Variants in MYZAP observed in about 807,000 individuals in gnomAD.
The protein encoded by MYZAP is GRINL1A complex locus upstream.
A neutral mutation model predicts 69.4 loss-of-function variants in MYZAP; 66 were observed. The observed-to-expected ratio is 0.95, with a 90% confidence interval of 0.78 to 1.17. MYZAP has a LOEUF of 1.17. Ranked by LOEUF, MYZAP falls within the 50% of genes most tolerant of loss-of-function variation. MYZAP has a pLI of 0.00. For missense variants in MYZAP, 611 were observed against 556.2 expected (o/e 1.10, Z -0.99); for synonymous variants, 256 against 205.9 (o/e 1.24, Z -2.09).
intron 5 of MYZAP, among the ~76,000 whole-genome samples, chr15:57,628,777 G>A (rs2036309780): frequency 6.6e-6 from 1 of 152,200 alleles, no homozygotes; most frequent in Non-Finnish European, 1.5e-5. Flanking sequence ...AGCGCAGAAG[G>A]GATAGCTCTT....
At position 57,655,411 on chromosome 15, in the gene MYZAP, C is replaced by T. The variant is rs1488934599; in HGVS notation, c.1120-6039C>T. On this transcript the variant is annotated intron_variant, in intron 10 of 12. Transcript: ENST00000267853. The stretch of plus-strand genomic sequence containing the variant: ...CAGCGGAAGGGCCTCCCGTGCCATG[C>T]TAGTGAGTTCGAACATTAAAAGCGT... 2.6e-5 allele frequency among the ~76,000 whole-genome samples: 4 copies of T among 152,120 alleles called. No individual in the cohort carries two copies. In the East Asian group the frequency reaches 5.8e-4, roughly 22 times the overall value.
At chr15:57,642,658 G>A (rs1033478964) in intron 10 of MYZAP, among the ~76,000 whole-genome samples, 1 of 152,134 alleles carries the variant, frequency 6.6e-6, no homozygotes, top group Non-Finnish European at 1.5e-5. Flanking sequence ...TTTAAATGAT[G>A]GGCTTCTTTT....
chr15:57,622,985 TC>T (rs1201364214), intron 4 of MYZAP, among the ~76,000 whole-genome samples: 1 of 151,994 alleles, frequency 6.6e-6, no homozygotes, highest in African/African-American at 2.4e-5. Flanking sequence ...CCCCCACGAA[TC>T]AAGAAGAAAA....
chr15:57,665,234 C>T (rs1017883571), intron 11 of MYZAP, among the ~76,000 whole-genome samples: 1 of 152,224 alleles, frequency 6.6e-6, no homozygotes, highest in Non-Finnish European at 1.5e-5. Context: ...CAGTCCTTTG[C>T]CTGCAGCAAC....
chr15:57,635,389 C>A (rs150545599), intron 8 of MYZAP, among the ~76,000 whole-genome samples: 1 of 152,178 alleles, frequency 6.6e-6, no homozygotes, highest in African/African-American at 2.4e-5. Flanking sequence ...GTCTTTAGCA[C>A]GACCCATTTT....
intron 12 of MYZAP, among the ~76,000 whole-genome samples, chr15:57,675,755 C>A (rs552657814): frequency 6.6e-6 from 1 of 152,294 alleles, no homozygotes; most frequent in Non-Finnish European, 1.5e-5. Context: ...AACACAGTAA[C>A]CTGCCTCTGA....
chr15:57,593,188 G>GCATGCGCGCGCGCGCGCGCACA, intron 1 of MYZAP, among the ~76,000 whole-genome samples: 1 of 114,150 alleles, frequency 8.8e-6, no homozygotes, highest in Non-Finnish European at 1.8e-5. Flanking sequence ...GTACACAGGC[G>GCATGCGCGCGCGCGCGCGCACA]CACACACACA....
At chr15:57,621,115 G>A (rs1469788179) in intron 3 of MYZAP, among the ~76,000 whole-genome samples, 1 of 146,680 alleles carries the variant, frequency 6.8e-6, no homozygotes, top group African/African-American at 2.5e-5. Context: ...TTCCTAACTA[G>A]TTTCTAACTA....
At chr15:57,611,324 G>A (rs1344754324) in intron 2 of MYZAP, among the ~76,000 whole-genome samples, 2 of 152,166 alleles carry the variant, frequency 1.3e-5, no homozygotes, top group African/African-American at 2.4e-5. Flanking sequence ...ATTGACTTGC[G>A]TGCCTTCTCC....
intron 2 of MYZAP, among the ~76,000 whole-genome samples, chr15:57,604,622 C>T (rs533528457): frequency 3.3e-5 from 5 of 152,354 alleles, no homozygotes; most frequent in African/African-American, 9.6e-5. Context: ...GGACACTGGT[C>T]TTAGTGACAG....
intron 11 of MYZAP, among the ~76,000 whole-genome samples, chr15:57,669,031 C>A (rs904941412): frequency 1.3e-5 from 2 of 151,790 alleles, no homozygotes; most frequent in African/African-American, 4.8e-5. Flanking sequence ...GCTGGCACTG[C>A]AGGTGCATGC....
At chr15:57,651,917 G>T (rs930563025) in intron 10 of MYZAP, among the ~76,000 whole-genome samples, 6 of 151,960 alleles carry the variant, frequency 3.9e-5, no homozygotes, top group African/African-American at 1.5e-4. Context: ...GGAGAAGTTG[G>T]GTTATCTTTA....
intron 4 of MYZAP, among the ~76,000 whole-genome samples, chr15:57,625,243 T>G (rs866131093): frequency 1.3e-5 from 2 of 152,030 alleles, no homozygotes; most frequent in Non-Finnish European, 1.5e-5. Context: ...CTGGCTAATT[T>G]TTGTATTTTT....
chr15:57,601,169 G>A (rs2034385732), intron 1 of MYZAP, among the ~76,000 whole-genome samples: 1 of 152,152 alleles, frequency 6.6e-6, no homozygotes, highest in Non-Finnish European at 1.5e-5. Flanking sequence ...TTACCCTTGA[G>A]ATTCAGAGAG....
At chr15:57,656,377 T>A (rs2038011844) in intron 10 of MYZAP, among the ~76,000 whole-genome samples, 1 of 152,196 alleles carries the variant, frequency 6.6e-6, no homozygotes, top group Non-Finnish European at 1.5e-5. Context: ...AGGAGAAACA[T>A]CAGTAATCAT....
intron 10 of MYZAP, among the ~76,000 whole-genome samples, chr15:57,640,885 A>G (rs1024860859): frequency 1.3e-5 from 2 of 152,248 alleles, no homozygotes; most frequent in Admixed American, 6.5e-5. Flanking sequence ...AGCACTGCCC[A>G]TAACAGTAAT....
At chr15:57,611,466 G>A (rs562901018) in intron 2 of MYZAP, among the ~76,000 whole-genome samples, 190 of 152,148 alleles carry the variant, frequency 1.2e-3, no homozygotes, top group Non-Finnish European at 2.1e-3. Flanking sequence ...CCTTTTCCGC[G>A]GGGGTTATTA....
At chr15:57,646,328 T>G in intron 10 of MYZAP, 2 of 1,198,096 alleles carry the variant, frequency 1.7e-6, no homozygotes, top group Non-Finnish European at 2.1e-6. Flanking sequence ...GACATATTAT[T>G]TAAAGGAAAA....
chr15:57,615,275 A>G (rs2035360282), intron 2 of MYZAP, among the ~76,000 whole-genome samples: 1 of 152,238 alleles, frequency 6.6e-6, no homozygotes, highest in Non-Finnish European at 1.5e-5. Context: ...GATGTTTTAC[A>G]TACACAAACA....
Sources: gnomAD v4.1 joint callset for allele counts (sites outside exome capture counted in the v4.1 genomes callset) on GRCh38, gnomAD v4.1.1 for gene constraint, MANE v1.5 for transcripts, NCBI Gene and HGNC (gene_info 2026-07-23, HGNC 2026-07-21) for gene names.